The following GABRB2 variants were observed in gnomAD, a reference collection of about 807,000 sequenced individuals.
GABRB2 encodes the protein gamma-aminobutyric acid receptor subunit beta-2.
GABRB2 carries 16 observed loss-of-function variants against 54.7 expected under a neutral mutation model. The observed-to-expected ratio is 0.29, with a 90% CI of 0.20 to 0.44. The LOEUF is 0.44. GABRB2 is among the 20% of genes least tolerant of loss of function. The pLI is 1.00. For synonymous variants in GABRB2, 244 were observed against 233.8 expected (o/e 1.04, Z -0.40); for missense variants, 355 against 644.0 (o/e 0.55, Z 4.86).
At chr5:161,425,488 T>C (rs1163192455) in intron 4 of GABRB2, among the ~76,000 whole-genome samples, 3 of 152,118 alleles carry the variant, frequency 2.0e-5, no homozygotes. Context: ...TGATCATTAG[T>C]ACATTTTTAG....
intron 5 of GABRB2, among the ~76,000 whole-genome samples, chr5:161,381,636 T>C (rs892983526): frequency 6.6e-6 from 1 of 152,022 alleles, no homozygotes; most frequent in Non-Finnish European, 1.5e-5. Context: ...AAAGGAAAAA[T>C]GTCTCTGCCA....
chr5:161,341,960 TATATATATAC>T (rs200768503), intron 5 of GABRB2, among the ~76,000 whole-genome samples: 1,030 of 82,660 alleles, frequency 0.012, 15 homozygotes, highest in South Asian at 0.029. Flanking sequence ...TATATATATA[TATATATATAC>T]ATACTTTATT....
At chr5:161,350,513 C>T (rs1383750601) in intron 5 of GABRB2, among the ~76,000 whole-genome samples, 18 of 152,042 alleles carry the variant, frequency 1.2e-4, no homozygotes, top group Admixed American at 8.5e-4. Context: ...AGCTATAAAA[C>T]ACTCATAAAA....
At chr5:161,482,924 T>C (rs527942741) in intron 3 of GABRB2, among the ~76,000 whole-genome samples, 1 of 152,164 alleles carries the variant, frequency 6.6e-6, no homozygotes, top group African/African-American at 2.4e-5. Context: ...ATCATCAGCC[T>C]AGACAAAATG....
At chr5:161,532,662 C>A (rs1198867633) in intron 3 of GABRB2, among the ~76,000 whole-genome samples, 1 of 152,116 alleles carries the variant, frequency 6.6e-6, no homozygotes, top group East Asian at 1.9e-4. Flanking sequence ...CTTCACTTCC[C>A]CCATAGGGCA....
intron 3 of GABRB2, among the ~76,000 whole-genome samples, chr5:161,523,517 A>T (rs1760179927): frequency 6.6e-6 from 1 of 151,284 alleles, no homozygotes; most frequent in Non-Finnish European, 1.5e-5. Flanking sequence ...TTACATCTGA[A>T]ATTACAACAA....
intron 4 of GABRB2, among the ~76,000 whole-genome samples, chr5:161,443,077 G>C (rs1302376939): frequency 6.6e-6 from 1 of 151,988 alleles, no homozygotes; most frequent in Non-Finnish European, 1.5e-5. Flanking sequence ...GCAATAACTG[G>C]ATAGCACCTA....
rs145553482 is a variant in GABRB2, at chr5:161,521,275, T to C, written c.237+23952A>G. Among the ~76,000 whole-genome samples, 136 of 152,074 alleles carry C rather than the reference T, an allele frequency of 8.9e-4. 2 individuals carry two copies. In the East Asian group the frequency reaches 0.023, roughly 26 times the overall value. On this transcript the variant is annotated intron_variant, in intron 3 of 9. Coordinates refer to ENST00000393959, the MANE Select transcript of GABRB2 (RefSeq NM_001371727.1). Reference sequence around the variant, plus strand: ...CACTAAAACCTCCACCACTCTTTATTCCTATCTTTATTTTTTGTTACCTTG... The same window carrying C: ...CACTAAAACCTCCACCACTCTTTATCCCTATCTTTATTTTTTGTTACCTTG...
Position 161,525,988 on chromosome 5 carries a change from T to C in GABRB2, c.237+19239A>G, listed in dbSNP as rs937524492. ...ATAAGGCTGGCCTAGTTGATATAAA[T>C]TCTTTTCTCCTACAATTTCTGAGCT... On this transcript the variant is annotated intron_variant, in intron 3 of 9. Transcript: ENST00000393959. Among the ~76,000 whole-genome samples the C allele has an allele frequency of 5.3e-5, 8 of 151,394 alleles. 1 individual carries two copies. The highest frequency in any genetic ancestry group is 7.4e-5 in the Non-Finnish European group (5 of 67,476).
At chr5:161,428,955 A>T (rs1451770593) in intron 4 of GABRB2, among the ~76,000 whole-genome samples, 1 of 152,140 alleles carries the variant, frequency 6.6e-6, no homozygotes, top group East Asian at 1.9e-4. Context: ...AAGCATTTCC[A>T]CAAATTTTAT....
chr5:161,501,950 T>C (rs1308075111), intron 3 of GABRB2, among the ~76,000 whole-genome samples: 2 of 146,204 alleles, frequency 1.4e-5, no homozygotes, highest in Middle Eastern at 4.0e-3. Context: ...GTAAAATATG[T>C]AAAGTAAATA....
chr5:161,390,979 G>A (rs1755804321), intron 5 of GABRB2, among the ~76,000 whole-genome samples: 1 of 152,142 alleles, frequency 6.6e-6, no homozygotes, highest in African/African-American at 2.4e-5. Flanking sequence ...GACTGTCAGT[G>A]TTGTTGGACA....
intron 2 of GABRB2, 107 bp from the exon 3 acceptor site, chr5:161,545,401 T>C (rs1760948765): frequency 7.3e-6 from 3 of 413,078 alleles, no homozygotes; most frequent in Non-Finnish European, 1.2e-5. Context: ...TCTGCACTAC[T>C]CAATCTCAAA....
chr5:161,422,109 G>C (rs1194987188), intron 4 of GABRB2, among the ~76,000 whole-genome samples: 1 of 152,062 alleles, frequency 6.6e-6, no homozygotes, highest in Non-Finnish European at 1.5e-5. Flanking sequence ...AGGGTAATTA[G>C]ACAATATTTA....
At chr5:161,334,164 T>C (rs1753926907) in intron 7 of GABRB2, among the ~76,000 whole-genome samples, 2 of 152,328 alleles carry the variant, frequency 1.3e-5, no homozygotes, top group South Asian at 4.1e-4. Context: ...TAAAAGGCCA[T>C]AAATTTACTT....
At chr5:161,519,358 C>G (rs1179660315) in intron 3 of GABRB2, among the ~76,000 whole-genome samples, 1 of 152,086 alleles carries the variant, frequency 6.6e-6, no homozygotes, top group Non-Finnish European at 1.5e-5. Flanking sequence ...TAAGGCATTA[C>G]CCCTTGTTTA....
chr5:161,488,156 A>G lies in GABRB2; in HGVS notation c.238-28312T>C, dbSNP rs956087243. ...CAAGGGTCAAAATGATTTGGATGAA[A>G]AGTGGAGGACCCTAGAGAGAATGGA... is the stretch of plus-strand genomic sequence containing the variant. On this transcript the variant is annotated intron_variant, in intron 3 of 9. Transcript: ENST00000393959. 2.6e-5 allele frequency among the ~76,000 whole-genome samples: 4 copies of G among 151,770 alleles called. No homozygotes were observed. The South Asian group carries it at 8.3e-4, about 31-fold the overall frequency.
chr5:161,304,420 T>A (rs184691626), intron 9 of GABRB2, among the ~76,000 whole-genome samples: 1 of 152,358 alleles, frequency 6.6e-6, no homozygotes, highest in Non-Finnish European at 1.5e-5. Context: ...TCCCATAGTC[T>A]TGTAGCTTCC....
chr5:161,515,506 G>GAA, intron 3 of GABRB2, among the ~76,000 whole-genome samples: 1 of 149,592 alleles, frequency 6.7e-6, no homozygotes, highest in East Asian at 2.0e-4. Flanking sequence ...TAGCTAAAAA[G>GAA]AAAAAAAAAG....
Sources: allele counts gnomAD v4.1 joint callset (sites outside exome capture counted in the v4.1 genomes callset), GRCh38; gene constraint gnomAD v4.1.1; transcripts MANE v1.5; gene names NCBI Gene and HGNC (gene_info 2026-07-23, HGNC 2026-07-21).